Variants in NRXN3 observed in about 807,000 individuals in gnomAD.
The protein encoded by NRXN3 is neurexin 3.
A neutral mutation model predicts 137.6 loss-of-function variants in NRXN3; 32 were observed. That is an observed-to-expected ratio of 0.23 (90% CI 0.18 to 0.31). NRXN3 has a LOEUF of 0.31. Among genes scored for constraint, NRXN3 ranks in the 10% least tolerant of loss-of-function variants. The pLI, the probability that NRXN3 is intolerant of heterozygous loss-of-function variation, is 1.00. For missense variants in NRXN3, 1,574 were observed against 2,062.5 expected, an observed-to-expected ratio of 0.76 and a Z score of 4.59; for synonymous variants, 798 against 784.5, an observed-to-expected ratio of 1.02 and a Z score of -0.29.
chr14:79,259,709 TACACACACACACACACAC>T (rs71131688), intron 15 of NRXN3, among the ~76,000 whole-genome samples: 3 of 139,762 alleles, frequency 2.1e-5, no homozygotes, highest in East Asian at 2.1e-4. Flanking sequence ...TATAGTTTTA[TACACACACACACACACAC>T]ACACACACAC....
intron 15 of NRXN3, among the ~76,000 whole-genome samples, chr14:79,032,264 A>C (rs1262151152): frequency 6.6e-6 from 1 of 152,200 alleles, no homozygotes; most frequent in East Asian, 1.9e-4. Flanking sequence ...AATAACATTG[A>C]ATTCAATTAC....
At chr14:79,045,434 G>A (rs78414257) in intron 15 of NRXN3, among the ~76,000 whole-genome samples, 15 of 152,270 alleles carry the variant, frequency 9.9e-5, no homozygotes, top group South Asian at 6.2e-4. Context: ...CCCACAAGCC[G>A]CATGAATCAT....
rs537506868 is a variant in NRXN3, at chr14:79,695,724, A to G, written c.3707-1906A>G. On this transcript the variant is annotated intron_variant, in intron 18 of 20. Coordinates refer to ENST00000335750, the MANE Select transcript of NRXN3 (RefSeq NM_001330195.2). ...ATTACTTAGTATTATTATGCATTGA[A>G]CTTTCTGCTGTGTCTTGTGTGAAGA... Among the ~76,000 whole-genome samples, 77 of 152,044 alleles carry G rather than the reference A, an allele frequency of 5.1e-4. No individual in the cohort carries two copies. In the South Asian group the frequency reaches 0.015, roughly 30 times the overall value.
chr14:78,379,863 C>T lies in NRXN3; in HGVS notation c.757+82003C>T, dbSNP rs181430657. Among the ~76,000 whole-genome samples, 384 of 152,298 alleles carry T rather than the reference C, an allele frequency of 2.5e-3. 3 individuals are homozygous for T. Among genetic ancestry groups the T allele is most frequent in the Non-Finnish European group, 2.6e-3 (174 of 68,024 alleles). On this transcript the variant is annotated intron_variant, in intron 4 of 20. Transcript: ENST00000335750. Reference sequence around the variant, plus strand: ...TCCCAAGAAATCTACCATAAACACTCGCAGAGCTAACAGGTAAGTTCAGCA... The same window carrying T: ...TCCCAAGAAATCTACCATAAACACTTGCAGAGCTAACAGGTAAGTTCAGCA...
intron 15 of NRXN3, among the ~76,000 whole-genome samples, chr14:79,361,465 C>G (rs933726919): frequency 6.6e-6 from 1 of 152,122 alleles, no homozygotes; most frequent in Non-Finnish European, 1.5e-5. Flanking sequence ...GCCTGTAATT[C>G]CAGCACTTTG....
intron 15 of NRXN3, among the ~76,000 whole-genome samples, chr14:79,466,785 C>T (rs1394972845): frequency 6.6e-6 from 1 of 152,110 alleles, no homozygotes; most frequent in Admixed American, 6.5e-5. Context: ...TTTTGTAAGG[C>T]TCCTGGCTCC....
chr14:78,251,599 A>G (rs1382112335), intron 2 of NRXN3, among the ~76,000 whole-genome samples: 1 of 152,178 alleles, frequency 6.6e-6, no homozygotes, highest in African/African-American at 2.4e-5. Flanking sequence ...TCACAGACAC[A>G]TTTTCTACTT....
chr14:79,539,021 A>C (rs958315061), intron 16 of NRXN3, among the ~76,000 whole-genome samples: 4 of 152,172 alleles, frequency 2.6e-5, no homozygotes, highest in African/African-American at 9.6e-5. Flanking sequence ...AACCTACCTA[A>C]GATCATCCAG....
At chr14:78,679,974 T>C (rs1318829842) in intron 6 of NRXN3, among the ~76,000 whole-genome samples, 1 of 152,118 alleles carries the variant, frequency 6.6e-6, no homozygotes, top group African/African-American at 2.4e-5. Flanking sequence ...GTTTTGACAT[T>C]TAACTTGAAA....
chr14:79,524,817 C>G (rs1397929267), intron 16 of NRXN3, among the ~76,000 whole-genome samples: 1 of 152,130 alleles, frequency 6.6e-6, no homozygotes, highest in Non-Finnish European at 1.5e-5. Context: ...CATTTTTATG[C>G]TTAGGTTCAA....
intron 16 of NRXN3, among the ~76,000 whole-genome samples, chr14:79,623,549 T>C (rs1038069063): frequency 6.6e-6 from 1 of 152,232 alleles, no homozygotes; most frequent in African/African-American, 2.4e-5. Flanking sequence ...GATGGTATTC[T>C]GGACCTAATG....
chr14:79,547,099 T>G (rs2097327892), intron 16 of NRXN3, among the ~76,000 whole-genome samples: 1 of 152,162 alleles, frequency 6.6e-6, no homozygotes. Context: ...CCAAGCCCTG[T>G]GCATGGCTAT....
In NRXN3 at chr14:79,663,920, A is replaced by G; in HGVS notation, c.3587A>G (p.Asn1196Ser). 1 of 1,613,482 alleles carries G rather than the reference A, an allele frequency of 6.2e-7. No homozygotes were observed. Among genetic ancestry groups the G allele is most frequent in the Non-Finnish European group, 8.5e-7 (1 of 1,179,604 alleles). The change falls in exon 17 of 21, where the codon AAC becomes AGC. Residue 1196 changes from asparagine to serine, a missense_variant. By Grantham distance (46) the Asn-to-Ser change is conservative (BLOSUM62 1). Transcript: ENST00000335750. ...NGGNATLQVD[N>S]WPVNEHYPTG... is the part of the protein sequence containing the mutation. ...GGCAACGCCACCCTGCAGGTGGACAACTGGCCAGTGAATGAACATTATCCT... is the reference window on the plus strand; with the variant it reads ...GGCAACGCCACCCTGCAGGTGGACAGCTGGCCAGTGAATGAACATTATCCT...
At chr14:78,794,765 A>T (rs929281710) in intron 8 of NRXN3, among the ~76,000 whole-genome samples, 1 of 152,012 alleles carries the variant, frequency 6.6e-6, no homozygotes, top group Non-Finnish European at 1.5e-5. Flanking sequence ...AATGATGAAC[A>T]TGTACTATTT....
intron 16 of NRXN3, among the ~76,000 whole-genome samples, chr14:79,473,847 C>T (rs2096536347): frequency 6.6e-6 from 1 of 152,124 alleles, no homozygotes; most frequent in South Asian, 2.1e-4. Context: ...CATTGTCTCT[C>T]CAGCTTTCAG....
At chr14:79,387,430 G>A (rs76391065) in intron 15 of NRXN3, among the ~76,000 whole-genome samples, 47,778 of 150,916 alleles carry the variant, frequency 0.32, 7,840 homozygotes, top group Admixed American at 0.39. Context: ...TTAGAATGGC[G>A]ATCATTAAAA....
chr14:79,531,998 A>G (rs2097173698), intron 16 of NRXN3, among the ~76,000 whole-genome samples: 1 of 152,178 alleles, frequency 6.6e-6, no homozygotes, highest in Admixed American at 6.5e-5. Flanking sequence ...GATTTGGAGG[A>G]AATTCTGAGC....
At chr14:79,811,574 C>CTTTTTTCTTTTTTTTTTTTTTTTT (rs2099233223) in intron 20 of NRXN3, among the ~76,000 whole-genome samples, 1 of 129,450 alleles carries the variant, frequency 7.7e-6, no homozygotes. Flanking sequence ...TTTCTTTTTT[C>CTTTTTTCTTTTTTTTTTTTTTTTT]TTTTTTCTTT....
intron 16 of NRXN3, among the ~76,000 whole-genome samples, chr14:79,640,647 C>G (rs1281788999): frequency 7.4e-6 from 1 of 135,516 alleles, no homozygotes; most frequent in Non-Finnish European, 1.7e-5. Flanking sequence ...AAGTTTTTAG[C>G]CTTCCTAGGA....
Sources: gnomAD v4.1 joint callset for allele counts (sites outside exome capture counted in the v4.1 genomes callset) on GRCh38, gnomAD v4.1.1 for gene constraint, MANE v1.5 for transcripts, NCBI Gene and HGNC (gene_info 2026-07-23, HGNC 2026-07-21) for gene names.